The following BDH1 variants were observed in gnomAD, a reference collection of about 807,000 sequenced individuals.
BDH1 encodes D-beta-hydroxybutyrate dehydrogenase, mitochondrial.
Under a neutral mutation model 33.1 loss-of-function variants are expected in BDH1, and 30 were observed. The ratio of observed to expected loss-of-function variants is 0.91; its 90% CI spans 0.68 to 1.23. The LOEUF (loss-of-function observed/expected upper bound fraction) is 1.23, where lower values mean the gene tolerates loss of function less well. Ranked by LOEUF, BDH1 falls within the 50% of genes most tolerant of loss-of-function variation. BDH1 has a pLI of 0.00. For synonymous variants in BDH1, 190 were observed against 183.6 expected, an observed-to-expected ratio of 1.03 and a Z score of -0.28; for missense variants, 443 against 464.4, an observed-to-expected ratio of 0.95 and a Z score of 0.42.
chr3:197,529,139 C>G (rs998993518), intron 5 of BDH1: 1 of 152,190 alleles, frequency 6.6e-6, no homozygotes, highest in Non-Finnish European at 1.5e-5. Context: ...GTCAGGAGAG[C>G]GACAGCCTTT....
At position 197,516,611 on chromosome 3, in the gene BDH1, T is replaced by A. The variant is rs1712757994; in HGVS notation, c.410-2195A>T. 6.6e-6 allele frequency among the ~76,000 whole-genome samples: 1 copy of A among 151,960 alleles called. No homozygotes were observed. On this transcript the variant is annotated intron_variant, in intron 6 of 7. Transcript: ENST00000392379. This position sits in a 1 kb window ranked among gnomAD's most constrained non-coding sequence, Gnocchi z 4.2. ...TGGGAGTCACGGCTCTCTCTCCTCATCCCATCTCCTGTCTCGCTTCCACCT... is the reference window on the plus strand; with the variant it reads ...TGGGAGTCACGGCTCTCTCTCCTCAACCCATCTCCTGTCTCGCTTCCACCT...
intron 2 of BDH1, among the ~76,000 whole-genome samples, chr3:197,548,884 CACAAAAAA>C (rs1716325094): frequency 7.5e-6 from 1 of 134,140 alleles, no homozygotes; most frequent in Non-Finnish European, 1.7e-5. Flanking sequence ...ACAAAAAAAA[CACAAAAAA>C]CTCAGTCCCT....
chr3:197,510,109 C>T lies in BDH1; in HGVS notation c.*1786G>A, dbSNP rs1438350479. 6.6e-6 allele frequency: 1 copy of T among 152,374 alleles called. No individual in the cohort carries two copies. The highest frequency in any genetic ancestry group is 1.9e-4 in the East Asian group (1 of 5,204). The allele number at this position is 152,374 out of a possible 1,614,324, so 9.4% of individuals were successfully genotyped here. A position where few individuals can be genotyped will look rare whatever the true frequency, so the allele number is the denominator to read the frequency against. On this transcript the variant is annotated 3_prime_UTR_variant, in exon 8 of 8. Coordinates refer to ENST00000392379, the MANE Select transcript of BDH1 (RefSeq NM_203314.3). ...GAACCCCGTAGCCCACTCCGGCTGC[C>T]CGGGCTCTTCTGCCTTCTCCTGGCA...
upstream of BDH1, among the ~76,000 whole-genome samples, chr3:197,556,455 G>A (rs1717047105): frequency 6.6e-6 from 1 of 152,078 alleles, no homozygotes; most frequent in Non-Finnish European, 1.5e-5. Flanking sequence ...ATCACTTGGG[G>A]TCAGGAGTTC....
chr3:197,533,537 A>C lies in BDH1; in HGVS notation c.108T>G (p.Thr36=). ...TCCGACGGCCAATCGGGATAAAGGA[A>C]GTAGAACCAAGCAATAGTGGGCGTC... ...GARRPLLLGS[T]SFIPIGRRTY... is the part of the protein sequence containing the mutation. Residue 36 remains threonine, a synonymous_variant, in exon 4 of 8, where the codon ACT becomes ACG. Coordinates refer to ENST00000392379, the MANE Select transcript of BDH1 (RefSeq NM_203314.3). 6.2e-7 allele frequency: 1 copy of C among 1,614,270 alleles called. No individual in the cohort carries two copies. Among genetic ancestry groups the C allele is most frequent in the African/African-American group, 1.3e-5 (1 of 75,080 alleles).
intron 1 of BDH1, among the ~76,000 whole-genome samples, chr3:197,572,373 C>T (rs1477046887): frequency 1.3e-5 from 2 of 151,932 alleles, no homozygotes; most frequent in Admixed American, 6.5e-5. Context: ...AAGTTAATCA[C>T]TTACTTATGT....
In BDH1 at chr3:197,522,876, C is replaced by A; in HGVS notation, c.268-95G>T. The A allele has an allele frequency of 6.8e-7, 1 of 1,475,976 alleles. No homozygotes were observed. Among genetic ancestry groups the A allele is most frequent in the Non-Finnish European group, 9.2e-7 (1 of 1,091,804 alleles). 91.4% of individuals were successfully genotyped at this position (1,475,976 alleles called of 1,614,324 possible). A position where few individuals can be genotyped will look rare whatever the true frequency, so the allele number is the denominator to read the frequency against. ...TCAAGGCAGGAGCTGGCCTCAAGTC[C>A]CAGCCAAAGCCTCAGGCATACTGGC... On this transcript the variant is annotated intron_variant, in intron 5 of 7. Transcript: ENST00000392379. This position sits in a 1 kb window ranked among gnomAD's most constrained non-coding sequence, Gnocchi z 4.8.
Position 197,570,982 on chromosome 3 carries a change from G to A in BDH1, c.-44+2199C>T, listed in dbSNP as rs189664565. On this transcript the variant is annotated intron_variant, in intron 1 of 6. Transcript: ENST00000358186. ...GCCCATGATAGCAGCCAGGAGGGAG[G>A]GTGTACCCTGCAAAGCCACAGGGGC... 8.6e-4 allele frequency among the ~76,000 whole-genome samples: 131 copies of A among 152,304 alleles called. 5 individuals carry two copies. In the East Asian group the frequency reaches 0.022, roughly 25 times the overall value.
In BDH1 at chr3:197,554,198, C is replaced by G. The variant is rs188624033; in HGVS notation, c.-44+364G>C. On this transcript the variant is annotated intron_variant, in intron 2 of 7. Transcript: ENST00000392379. The surrounding 1 kb of genome is among the most constrained non-coding windows in gnomAD (Gnocchi z 4.4). ...TCTCCCGAGCAGCCTTTTCTAATCC[C>G]CTAATTCAAAAATCTTTCGCCCAAT... 1.3e-5 allele frequency among the ~76,000 whole-genome samples: 2 copies of G among 152,320 alleles called. No homozygotes were observed. Among genetic ancestry groups the G allele is most frequent in the East Asian group, 3.9e-4 (2 of 5,192 alleles).
chr3:197,544,584 C>T (rs571167376), intron 3 of BDH1, among the ~76,000 whole-genome samples: 2 of 152,356 alleles, frequency 1.3e-5, no homozygotes, highest in South Asian at 2.1e-4. Flanking sequence ...TCAACAAAGC[C>T]GAGCTCCGTC....
chr3:197,511,996 G>C lies in BDH1; in HGVS notation c.931C>G (p.Pro311Ala). 6.2e-7 allele frequency: 1 copy of C among 1,613,536 alleles called. No individual in the cohort carries two copies. The highest frequency in any genetic ancestry group is 8.5e-7 in the Non-Finnish European group (1 of 1,179,686). The change falls in exon 8 of 8, where the codon CCC becomes GCC. Residue 311 changes from proline to alanine, a missense_variant. Physicochemically the swap from Pro to Ala is conservative, Grantham distance 27. Coordinates refer to ENST00000392379, the MANE Select transcript of BDH1 (RefSeq NM_203314.3). ...AVTHALTATTPYTRYHPMDYY... is the reference protein window; with the variant it reads ...AVTHALTATTAYTRYHPMDYY... The stretch of plus-strand genomic sequence containing the variant: ...TCCATGGGGTGGTAGCGGGTGTAGG[G>C]GGTGGTGGCGGTCAGGGCGTGTGTG...
At chr3:197,533,039 G>A (rs889980576) in intron 4 of BDH1, among the ~76,000 whole-genome samples, 5 of 152,116 alleles carry the variant, frequency 3.3e-5, no homozygotes, top group African/African-American at 7.2e-5. Context: ...CTCCACGCCC[G>A]GCTAATTTTG....
At chr3:197,560,439 CTT>C (rs1186740237), upstream of BDH1, among the ~76,000 whole-genome samples, 7 of 152,168 alleles carry the variant, frequency 4.6e-5, no homozygotes, top group Non-Finnish European at 8.8e-5. Flanking sequence ...GCCTTTGCCT[CTT>C]TTAAAAAGTT....
chr3:197,519,312 G>A (rs112267493), intron 6 of BDH1, among the ~76,000 whole-genome samples: 54 of 152,098 alleles, frequency 3.6e-4, no homozygotes, highest in Middle Eastern at 6.8e-3. Flanking sequence ...TTCACAGATG[G>A]GCAAGCTGAG....
In BDH1 at chr3:197,564,394, T is replaced by A. The variant is rs1043986276; in HGVS notation, c.-44+8787A>T. ...GCTTAGGGAAAAAACTGAGATTAAA[T>A]TTTTTTTTTAAGTTAAGGTTATTAC... On this transcript the variant is annotated intron_variant, in intron 1 of 6. Coordinates refer to the BDH1 transcript ENST00000358186. 6.0e-5 allele frequency among the ~76,000 whole-genome samples: 8 copies of A among 132,888 alleles called. No homozygotes were observed. The East Asian group carries it at 1.6e-3, about 26-fold the overall frequency. 87.2% of individuals were successfully genotyped at this position (132,888 alleles called of 152,430 possible).
intron 1 of BDH1, among the ~76,000 whole-genome samples, chr3:197,571,819 T>A (rs1311903159): frequency 6.6e-6 from 1 of 152,178 alleles, no homozygotes; most frequent in Non-Finnish European, 1.5e-5. Context: ...TCTCAACACT[T>A]TGGGAGAACA....
In BDH1 at chr3:197,512,111, G is replaced by T; in HGVS notation, c.816C>A (p.Tyr272Ter). The T allele has an allele frequency of 6.2e-7, 1 of 1,614,178 alleles. No individual in the cohort carries two copies. Among genetic ancestry groups the T allele is most frequent in the Non-Finnish European group, 8.5e-7 (1 of 1,180,038 alleles). The change falls in exon 8 of 8, where the codon TAC (tyrosine) becomes TAA (stop). Residue 272 changes from tyrosine to a stop codon, truncating the protein, a stop_gained. Coordinates refer to ENST00000392379, the MANE Select transcript of BDH1 (RefSeq NM_203314.3). LOFTEE classifies it high-confidence loss of function. ...TCTTTTCATCAAAGTACTTCTTGCC[G>T]TAGTCCTTGCGCACGACCTCAGGCA... ...EELPEVVRKDYGKKYFDEKIA... is the reference protein window; with the variant it reads ...EELPEVVRKD
intron 2 of BDH1, among the ~76,000 whole-genome samples, chr3:197,551,398 G>T (rs1333677569): frequency 6.6e-6 from 1 of 152,218 alleles, no homozygotes. Flanking sequence ...GCAAATGACA[G>T]ATCTCATTCT....
Position 197,546,364 on chromosome 3 carries a change from G to T in BDH1, c.80C>A (p.Ala27Glu), listed in dbSNP as rs754547614. The change falls in exon 3 of 8, where the codon GCA becomes GAA. Residue 27 changes from alanine to glutamate, a missense_variant. Ala to Glu is a moderately radical substitution (Grantham distance 107). Coordinates refer to ENST00000392379, the MANE Select transcript of BDH1 (RefSeq NM_203314.3). ...ACCACCACCTCTGGTTGCTTACCTT[G>T]CTCCATTTTCTCTATCACAGGCACT... The part of the protein sequence containing the change: ...TLSACDRENG[A>E]RRPLLLGSTS... 2 of 1,613,972 alleles carry T rather than the reference G, an allele frequency of 1.2e-6. No individual in the cohort carries two copies. The highest frequency in any genetic ancestry group is 2.7e-5 in the African/African-American group (2 of 74,898).
Sources: gnomAD v4.1 joint callset for allele counts (sites outside exome capture counted in the v4.1 genomes callset) on GRCh38, gnomAD v4.1.1 for gene constraint, Gnocchi (gnomAD v3.1) non-coding constraint, MANE v1.5 for transcripts, NCBI Gene and HGNC (gene_info 2026-07-23, HGNC 2026-07-21) for gene names.